The following MACF1 variants were observed in gnomAD, a reference collection of about 807,000 sequenced individuals.
MACF1 encodes microtubule actin crosslinking factor 1.
MACF1 carries 193 observed loss-of-function variants against 854.8 expected under a neutral mutation model. The observed-to-expected ratio is 0.23, with a 90% confidence interval of 0.20 to 0.25. MACF1 has a LOEUF of 0.25. MACF1 is among the 10% of genes least tolerant of loss of function. The pLI is 1.00. For missense variants in MACF1, 7,722 were observed against 8,929.1 expected, an observed-to-expected ratio of 0.86 and a Z score of 5.45; for synonymous variants, 3,185 against 3,226.7, an observed-to-expected ratio of 0.99 and a Z score of 0.44.
At chr1:39,104,185 A>G (rs994667210) in intron 2 of MACF1, among the ~76,000 whole-genome samples, 7 of 151,914 alleles carry the variant, frequency 4.6e-5, no homozygotes, top group Non-Finnish European at 7.4e-5. Context: ...TCAAGCTAAC[A>G]GGGGAGGATA....
In MACF1 at chr1:39,385,799, C is replaced by T. The variant is rs1162119383; in HGVS notation, c.14214C>T (p.His4738=). 29 of 1,614,008 alleles carry T rather than the reference C, an allele frequency of 1.8e-5. No individual in the cohort carries two copies. Among genetic ancestry groups the T allele is most frequent in the Non-Finnish European group, 2.2e-5 (26 of 1,180,034 alleles). Residue 4738 remains histidine, a synonymous_variant, in exon 57 of 101, where the codon CAC becomes CAT. Transcript: ENST00000564288. ...GATCTGACTTGGAGCAGTTAGACCA[C>T]GAGGTTAAGGAGGCTCAGACACTGT... The part of the protein sequence containing the change: ...EIRSDLEQLD[H]EVKEAQTLCD...
At chr1:39,117,476 C>G (rs1259500434) in intron 2 of MACF1, among the ~76,000 whole-genome samples, 2 of 151,660 alleles carry the variant, frequency 1.3e-5, no homozygotes, top group Non-Finnish European at 2.9e-5. Context: ...AATCTTTGAT[C>G]TTGTTTCACT....
intron 2 of MACF1, among the ~76,000 whole-genome samples, chr1:39,152,532 T>G (rs566716270): frequency 2.6e-5 from 4 of 152,332 alleles, no homozygotes; most frequent in Admixed American, 1.3e-4. Context: ...CTCATTGACG[T>G]TCTCCCTGTT....
chr1:39,357,795 A>G lies in MACF1; in HGVS notation c.11845A>G (p.Asn3949Asp), dbSNP rs1230950458. 1.2e-6 allele frequency: 2 copies of G among 1,614,038 alleles called. No individual in the cohort carries two copies. The highest frequency in any genetic ancestry group is 8.5e-7 in the Non-Finnish European group (1 of 1,180,032). Residue 3949 changes from asparagine to aspartate, a missense_variant, in exon 45 of 101, where the codon AAC becomes GAC. Asn to Asp is a conservative substitution (Grantham distance 23, BLOSUM62 1). This residue lies in a region of MACF1 where 2,807 missense variants were observed against 3,235.8 expected (regional missense o/e 0.87). Transcript: ENST00000564288. Reference protein sequence around the residue: ...ISGQKVLDMENSFKEGKEPSE... With the variant: ...ISGQKVLDMEDSFKEGKEPSE... The stretch of plus-strand genomic sequence containing the variant: ...AGGACAGAAAGTCTTGGACATGGAA[A>G]ACAGTTTTAAGGAAGGCAAAGAACC...
intron 87 of MACF1, 63 bp downstream of exon 87, chr1:39,452,875 T>G (rs1243722497): frequency 1.3e-6 from 2 of 1,559,660 alleles, no homozygotes; most frequent in African/African-American, 2.7e-5. Flanking sequence ...TGCCTACCAC[T>G]AAATGAAAGC....
At chr1:39,164,423 G>T (rs1029012727) in intron 2 of MACF1, among the ~76,000 whole-genome samples, 10 of 152,194 alleles carry the variant, frequency 6.6e-5, no homozygotes, top group African/African-American at 2.4e-4. Flanking sequence ...AGGCTTAGTG[G>T]CCAGTTGGCT....
intron 12 of MACF1, 38 bp downstream of exon 12, chr1:39,285,248 T>C: frequency 6.2e-7 from 1 of 1,614,200 alleles, no homozygotes; most frequent in Non-Finnish European, 8.5e-7. Context: ...ACATTATTTA[T>C]TGAGCTGCTG....
chr1:39,393,578 G>A (rs1168555547), intron 58 of MACF1, among the ~76,000 whole-genome samples: 1 of 152,098 alleles, frequency 6.6e-6, no homozygotes, highest in Non-Finnish European at 1.5e-5. Flanking sequence ...GGAGGCTGAT[G>A]TGGGCAGATC....
Position 39,337,314 on chromosome 1 carries a change from C to T in MACF1, c.10198C>T (p.Leu3400=), listed in dbSNP as rs1374473977. ...LELNLAELQD[L]LCQAKVLERE... ...GCTAAACCTGGCAGAACTACAGGAT[C>T]TGCTGTGTCAGGCCAAGGTAGGTTC... Residue 3400 remains leucine (L), a synonymous_variant, in exon 38 of 101, where the codon CTG becomes TTG. Transcript: ENST00000564288. The T allele has an allele frequency of 6.2e-7, 1 of 1,614,070 alleles. No individual in the cohort carries two copies. The highest frequency in any genetic ancestry group is 8.5e-7 in the Non-Finnish European group (1 of 1,179,942).
Position 39,332,824 on chromosome 1 carries a change from A to G in MACF1, c.6236A>G (p.Gln2079Arg), listed in dbSNP as rs1305512040. ...GATTCTTCTGTAGAGAACCCTGAAC[A>G]GGATCTGTTTGTAGAACAAAAAGAG... ...TEDSSVENPE[Q>R]DLFVEQKERN... The change falls in exon 37 of 101, where the codon CAG (glutamine) becomes CGG (arginine). Residue 2079 changes from glutamine to arginine, a missense_variant. Around this residue, in one of 15 missense-constraint regions of MACF1, gnomAD observed 1,531 missense variants for 1,601.6 expected, o/e 0.96. Transcript: ENST00000564288. 4 of 1,614,152 alleles carry G rather than the reference A, an allele frequency of 2.5e-6. No individual in the cohort carries two copies. The highest frequency in any genetic ancestry group is 2.2e-5 in the South Asian group (2 of 91,076).
rs759589640 is a variant in MACF1 at position 39,442,409 on chromosome 1, T to C, written c.18949-3T>C. 9 of 1,612,292 alleles carry C rather than the reference T, an allele frequency of 5.6e-6. No homozygotes were observed. In the South Asian group the frequency reaches 9.9e-5, roughly 18 times the overall value. The stretch of plus-strand genomic sequence containing the variant: ...TATTCCCTTTCTGTCTTTTCCTGAG[T>C]AGCACAAACTAGAAGGGGCTCTGTT... On this transcript the variant is annotated splice_region_variant and splice_polypyrimidine_tract_variant and intron_variant, in intron 76 of 100. Transcript: ENST00000564288.
At chr1:39,465,886 G>A (rs548109735) in intron 95 of MACF1, among the ~76,000 whole-genome samples, 17 of 152,238 alleles carry the variant, frequency 1.1e-4, no homozygotes, top group Admixed American at 9.8e-4. Context: ...AAGAACAGGG[G>A]ATAAGAGAAA....
At position 39,460,836 on chromosome 1, in the gene MACF1, T is replaced by A. The variant is rs1467441493; in HGVS notation, c.21523+42T>A. 6.2e-7 allele frequency: 1 copy of A among 1,603,806 alleles called. No individual in the cohort carries two copies. The highest frequency in any genetic ancestry group is 2.2e-5 in the East Asian group (1 of 44,756). Reference sequence around the variant, plus strand: ...TTCCAAACATGGGTCACACCTGGATTCCTTGCACTTTGTAGAAGCTGTGAT... The same window carrying A: ...TTCCAAACATGGGTCACACCTGGATACCTTGCACTTTGTAGAAGCTGTGAT... On this transcript the variant is annotated intron_variant, in intron 92 of 100. Transcript: ENST00000564288. This position sits in a 1 kb window ranked among gnomAD's most constrained non-coding sequence, Gnocchi z 4.1.
intron 18 of MACF1, among the ~76,000 whole-genome samples, chr1:39,294,431 TA>T (rs1041423614): frequency 1.3e-5 from 2 of 152,196 alleles, no homozygotes; most frequent in Admixed American, 6.5e-5. Flanking sequence ...TTAGGGTTCT[TA>T]AAAAATATAG....
chr1:39,142,478 G>A (rs1643365297), intron 2 of MACF1, among the ~76,000 whole-genome samples: 1 of 152,200 alleles, frequency 6.6e-6, no homozygotes, highest in Non-Finnish European at 1.5e-5. Context: ...TGCTATGAAT[G>A]TACCTCTAGC....
chr1:39,169,805 G>A (rs1484518873), intron 2 of MACF1, among the ~76,000 whole-genome samples: 3 of 127,788 alleles, frequency 2.3e-5, no homozygotes, highest in Non-Finnish European at 3.2e-5. Context: ...CTGGAGTCTC[G>A]CTCTGTTGCC....
chr1:39,326,658 G>A (rs1646617907), intron 35 of MACF1, among the ~76,000 whole-genome samples: 1 of 145,366 alleles, frequency 6.9e-6, no homozygotes, highest in Non-Finnish European at 1.5e-5. Context: ...TTCAACCTGG[G>A]TGACAGAGCG....
At chr1:39,477,045 G>A (rs1317476205) in intron 97 of MACF1, among the ~76,000 whole-genome samples, 1 of 63,766 alleles carries the variant, frequency 1.6e-5, no homozygotes, top group Non-Finnish European at 2.9e-5. Context: ...TACACTTAGT[G>A]TATATATATA....
chr1:39,455,890 A>G (rs1307459792), intron 89 of MACF1, among the ~76,000 whole-genome samples: 3 of 152,244 alleles, frequency 2.0e-5, no homozygotes, highest in Non-Finnish European at 2.9e-5. Context: ...TCAAGCGTGA[A>G]TGTTGATTAG....
Sources: allele counts gnomAD v4.1 joint callset (sites outside exome capture counted in the v4.1 genomes callset), GRCh38; gene constraint gnomAD v4.1.1; regional missense constraint gnomAD v4.1.1; non-coding constraint Gnocchi (gnomAD v3.1); transcripts MANE v1.5; gene names NCBI Gene and HGNC (gene_info 2026-07-23, HGNC 2026-07-21).